Variants in OSBPL9 observed in about 807,000 individuals in gnomAD.
The protein encoded by OSBPL9 is oxysterol-binding protein-related protein 9.
In OSBPL9, 40 loss-of-function variants were observed where a neutral mutation model predicts 106.6. That is an observed-to-expected ratio of 0.38 (90% CI 0.29 to 0.49). The LOEUF (loss-of-function observed/expected upper bound fraction) is 0.49, where lower values mean the gene tolerates loss of function less well. Ranked by LOEUF, OSBPL9 falls within the 20% of genes least tolerant of loss-of-function variation. The probability of loss-of-function intolerance (pLI) is 0.97; values close to 1 mark genes in which losing one functional copy is unlikely to be tolerated. For missense variants in OSBPL9, 609 were observed against 887.2 expected (o/e 0.69, Z 3.98); for synonymous variants, 269 against 295.4 (o/e 0.91, Z 0.92).
chr1:51,616,309 A>G (rs565414585), upstream of OSBPL9, among the ~76,000 whole-genome samples: 19 of 152,178 alleles, frequency 1.2e-4, 1 homozygote, highest in South Asian at 3.7e-3. Context: ...TTGCCCCTGT[A>G]GGCTGTTAGT....
chr1:51,695,894 A>G (rs943828127), intron 3 of OSBPL9, among the ~76,000 whole-genome samples: 8 of 152,246 alleles, frequency 5.3e-5, no homozygotes, highest in African/African-American at 1.9e-4. Flanking sequence ...GGGCTCAGGC[A>G]TTCCAGCTGA....
intron 1 of OSBPL9, among the ~76,000 whole-genome samples, chr1:51,622,501 G>A (rs1240241261): frequency 6.6e-6 from 1 of 152,190 alleles, no homozygotes; most frequent in Non-Finnish European, 1.5e-5. Context: ...AGAACTTTGA[G>A]TTCTGGCTCA....
chr1:51,529,560 A>G, the OSBPL9 span, among the ~76,000 whole-genome samples: 2 of 152,058 alleles, frequency 1.3e-5, no homozygotes, highest in African/African-American at 4.8e-5. Flanking sequence ...ATAGTAGTCA[A>G]GATAGCATGG....
At chr1:51,767,078 CCAAA>C (rs1482301213) in intron 12 of OSBPL9, among the ~76,000 whole-genome samples, 2 of 150,748 alleles carry the variant, frequency 1.3e-5, no homozygotes, top group Admixed American at 6.6e-5. Flanking sequence ...GACTCTGTTT[CCAAA>C]CAAACAACAA....
chr1:51,785,720 C>A, intron 20 of OSBPL9, 88 bp from the exon 21 acceptor site: 1 of 1,115,414 alleles, frequency 9.0e-7, no homozygotes, highest in Non-Finnish European at 1.4e-6. Flanking sequence ...CTCTTCTGTG[C>A]TCTACTCTGT....
rs1237860734 is a variant in OSBPL9 at position 51,785,903 on chromosome 1, T to C, written c.1908+17T>C. ...GCAACAGGGGTAAGATCCTCTATTT[T>C]GCCACTTGTTTTAGGCTACATTAGA... On this transcript the variant is annotated intron_variant, in intron 21 of 23. Transcript: ENST00000428468. 6.2e-7 allele frequency: 1 copy of C among 1,604,080 alleles called. No individual in the cohort carries two copies. The highest frequency in any genetic ancestry group is 8.5e-7 in the Non-Finnish European group (1 of 1,173,580).
intron 3 of OSBPL9, among the ~76,000 whole-genome samples, chr1:51,701,898 T>A (rs968715754): frequency 1.3e-5 from 2 of 152,104 alleles, no homozygotes; most frequent in African/African-American, 4.8e-5. Flanking sequence ...ACATGCGGTG[T>A]TTCGTTTTTT....
At position 51,606,998 on chromosome 1, in the gene OSBPL9, C is replaced by A. The variant is rs1038247013; in HGVS notation, c.-352-7307C>A. 2.6e-5 allele frequency among the ~76,000 whole-genome samples: 4 copies of A among 151,222 alleles called. No homozygotes were observed. The South Asian group carries it at 8.4e-4, about 32-fold the overall frequency. On this transcript the variant is annotated intron_variant, in intron 2 of 25. Coordinates refer to the OSBPL9 transcript ENST00000371714. ...CCGGGAGGCGGAGCTTGCAGTGAGCCGAGATCGCGCCACTGCACTCCAGCC... is the reference window on the plus strand; with the variant it reads ...CCGGGAGGCGGAGCTTGCAGTGAGCAGAGATCGCGCCACTGCACTCCAGCC...
intron 2 of OSBPL9, among the ~76,000 whole-genome samples, chr1:51,603,320 TC>T (rs1364162013): frequency 1.3e-5 from 2 of 152,120 alleles, no homozygotes; most frequent in Non-Finnish European, 2.9e-5. Context: ...CAAAACAGTA[TC>T]AGGAATAACA....
the OSBPL9 span, among the ~76,000 whole-genome samples, chr1:51,522,579 C>T: frequency 1.3e-5 from 2 of 152,174 alleles, no homozygotes; most frequent in East Asian, 1.9e-4. Flanking sequence ...CGTCAGAGCA[C>T]TGGGTCATAT....
At chr1:51,725,771 C>T (rs1322467302) in intron 4 of OSBPL9, among the ~76,000 whole-genome samples, 6 of 152,068 alleles carry the variant, frequency 3.9e-5, no homozygotes, top group Non-Finnish European at 7.4e-5. Flanking sequence ...CTGTGATGAC[C>T]CTTATTGAGC....
At chr1:51,581,306 A>G (rs1213571394) in intron 1 of OSBPL9, among the ~76,000 whole-genome samples, 1 of 152,102 alleles carries the variant, frequency 6.6e-6, no homozygotes, top group Non-Finnish European at 1.5e-5. Flanking sequence ...AAGACCACAG[A>G]GGTAAACGGC....
chr1:51,682,664 A>C (rs985850224), intron 3 of OSBPL9, among the ~76,000 whole-genome samples: 3 of 151,954 alleles, frequency 2.0e-5, no homozygotes, highest in Non-Finnish European at 4.4e-5. Flanking sequence ...AGGCTGAGGC[A>C]GGAGATCGCT....
intron 9 of OSBPL9, chr1:51,756,633 A>G (rs550424590): frequency 5.7e-6 from 2 of 350,208 alleles, no homozygotes; most frequent in East Asian, 9.5e-5. Context: ...CTCAGCTTTT[A>G]CAATTAAATA....
intron 8 of OSBPL9, chr1:51,752,393 A>G: frequency 2.8e-6 from 1 of 353,012 alleles, no homozygotes; most frequent in Non-Finnish European, 5.7e-6. Flanking sequence ...TCCTGTATCT[A>G]AAATAGCCTA....
chr1:51,777,988 A>C (rs1675454399), intron 15 of OSBPL9, among the ~76,000 whole-genome samples: 1 of 152,064 alleles, frequency 6.6e-6, no homozygotes, highest in Admixed American at 6.5e-5. Flanking sequence ...CCCTGTCCCT[A>C]CAAAAAAAAA....
intron 4 of OSBPL9, chr1:51,724,893 G>A (rs375400811): frequency 1.8e-4 from 38 of 210,054 alleles, no homozygotes; most frequent in African/African-American, 8.7e-4. Context: ...CCTTAAAAGG[G>A]CACAGGAAAG....
intron 14 of OSBPL9, among the ~76,000 whole-genome samples, chr1:51,775,736 G>A (rs1674921617): frequency 1.3e-5 from 2 of 151,868 alleles, no homozygotes; most frequent in African/African-American, 2.4e-5. Context: ...TCAGCCTCTC[G>A]AGTAGCTGGG....
chr1:51,737,956 T>C (rs1442982851), intron 4 of OSBPL9, among the ~76,000 whole-genome samples: 1 of 151,986 alleles, frequency 6.6e-6, no homozygotes, highest in Non-Finnish European at 1.5e-5. Flanking sequence ...AATAATAACT[T>C]TGCTGAGACA....
Sources: allele counts gnomAD v4.1 joint callset (sites outside exome capture counted in the v4.1 genomes callset), GRCh38; gene constraint gnomAD v4.1.1; transcripts MANE v1.5; gene names NCBI Gene and HGNC (gene_info 2026-07-23, HGNC 2026-07-21).